FOXP4: variants seen among roughly 807,000 people sequenced by gnomAD.
FOXP4 encodes forkhead box protein P4.
In FOXP4, 25 loss-of-function variants were observed where a neutral mutation model predicts 82.6. The ratio of observed to expected loss-of-function variants is 0.30; its 90% CI spans 0.22 to 0.42. The LOEUF (loss-of-function observed/expected upper bound fraction) is 0.42. FOXP4 is among the 10% of genes least tolerant of loss of function. The pLI, the probability that FOXP4 is intolerant of heterozygous loss-of-function variation, is 1.00. For missense variants in FOXP4, 785 were observed against 900.9 expected (o/e 0.87, Z 1.65); for synonymous variants, 415 against 388.2 (o/e 1.07, Z -0.81).
chr6:41,566,172 T>G (rs1213943071), intron 2 of FOXP4, among the ~76,000 whole-genome samples: 3 of 152,100 alleles, frequency 2.0e-5, no homozygotes, highest in Non-Finnish European at 4.4e-5. Context: ...TTTCAAGAGA[T>G]AGAAGTGGGA....
chr6:41,549,616 C>T (rs1728934140), intron 1 of FOXP4, among the ~76,000 whole-genome samples: 1 of 151,900 alleles, frequency 6.6e-6, no homozygotes, highest in African/African-American at 2.4e-5. Context: ...TTTGCTGAGC[C>T]CCTACTCTGC....
rs1474041544 is a variant in FOXP4, at chr6:41,585,438, A to G, written c.431A>G (p.Glu144Gly). Residue 144 changes from glutamate to glycine, a missense_variant, in exon 5 of 17, where the codon GAG becomes GGG. Around this residue, in one of 3 missense-constraint regions of FOXP4, gnomAD observed 570 missense variants for 634.0 expected, o/e 0.90. Coordinates refer to ENST00000307972, the MANE Select transcript of FOXP4 (RefSeq NM_001012426.2). ...CCTCCTCCACCCCCCCAGCTACAGG[A>G]GTACTACAAGAAGCAGCAGGAGCAG... ...QQALMLQQLQEYYKKQQEQLH... is the reference protein window; with the variant it reads ...QQALMLQQLQGYYKKQQEQLH... The G allele has an allele frequency of 2.5e-6, 4 of 1,613,606 alleles. No individual in the cohort carries two copies. The highest frequency in any genetic ancestry group is 2.5e-6 in the Non-Finnish European group (3 of 1,179,852).
chr6:41,564,108 C>CG (rs2127346345), intron 1 of FOXP4, among the ~76,000 whole-genome samples: 1 of 152,282 alleles, frequency 6.6e-6, no homozygotes, highest in African/African-American at 2.4e-5. Flanking sequence ...GACTGTGACT[C>CG]GGGGGTAGTT....
intron 12 of FOXP4, 60 bp downstream of exon 12, chr6:41,590,407 C>T (rs1363620493): frequency 1.4e-5 from 21 of 1,548,822 alleles, no homozygotes; most frequent in African/African-American, 2.7e-5. Context: ...CCCCAGCCCC[C>T]GCCACACCCC....
intron 3 of FOXP4, among the ~76,000 whole-genome samples, chr6:41,581,588 G>A (rs892965785): frequency 7.9e-5 from 12 of 152,214 alleles, no homozygotes; most frequent in Admixed American, 3.9e-4. Context: ...AGGGGCCAGC[G>A]GGACACCAGA....
At chr6:41,560,451 C>G (rs181010458) in intron 1 of FOXP4, among the ~76,000 whole-genome samples, 3 of 152,362 alleles carry the variant, frequency 2.0e-5, no homozygotes, top group African/African-American at 7.2e-5. Flanking sequence ...GCCACCATTG[C>G]TCTGGGTACG....
At chr6:41,587,665 T>C in intron 7 of FOXP4, 128 bp from the exon 8 acceptor site, 1 of 907,652 alleles carries the variant, frequency 1.1e-6, no homozygotes, top group Non-Finnish European at 1.7e-6. Flanking sequence ...GTACAGATGG[T>C]GCTTGGCCGC....
intron 2 of FOXP4, among the ~76,000 whole-genome samples, chr6:41,567,329 A>T (rs558521943): frequency 1.3e-5 from 2 of 152,348 alleles, no homozygotes; most frequent in South Asian, 4.1e-4. Flanking sequence ...TTCTCTTGCC[A>T]GCAGTGGAGA....
intron 1 of FOXP4, among the ~76,000 whole-genome samples, chr6:41,557,756 G>T (rs1044917880): frequency 2.0e-5 from 3 of 152,190 alleles, no homozygotes; most frequent in African/African-American, 7.2e-5. Flanking sequence ...CTAGATCTCT[G>T]TAGGGTAGGA....
chr6:41,590,411 A>T, intron 12 of FOXP4, 64 bp downstream of exon 12: 2 of 1,547,100 alleles, frequency 1.3e-6, no homozygotes, highest in Non-Finnish European at 1.8e-6. Context: ...AGCCCCCGCC[A>T]CACCCCTGCC....
At chr6:41,548,218 T>C (rs2127296485) in intron 1 of FOXP4, among the ~76,000 whole-genome samples, 1 of 152,116 alleles carries the variant, frequency 6.6e-6, no homozygotes, top group South Asian at 2.1e-4. Context: ...GATCACCGCG[T>C]GTCTGGCACC....
intron 14 of FOXP4, among the ~76,000 whole-genome samples, chr6:41,595,319 C>T (rs1055904775): frequency 1.3e-5 from 2 of 151,994 alleles, no homozygotes; most frequent in Non-Finnish European, 2.9e-5. Context: ...AGATGCCAGC[C>T]AACGGGCCAT....
At chr6:41,594,546 C>T (rs944870882) in intron 13 of FOXP4, among the ~76,000 whole-genome samples, 8 of 152,126 alleles carry the variant, frequency 5.3e-5, no homozygotes, top group African/African-American at 1.9e-4. Flanking sequence ...CTTTGATTAA[C>T]GAAGATGATG....
chr6:41,555,228 GAC>G (rs1416119357), intron 1 of FOXP4, among the ~76,000 whole-genome samples: 1 of 151,938 alleles, frequency 6.6e-6, no homozygotes, highest in African/African-American at 2.4e-5. Flanking sequence ...CAGTCTGAGC[GAC>G]ACAGAGTGAG....
intron 13 of FOXP4, among the ~76,000 whole-genome samples, chr6:41,592,731 T>C (rs1245903591): frequency 6.6e-6 from 1 of 152,180 alleles, no homozygotes; most frequent in African/African-American, 2.4e-5. Flanking sequence ...TTACCTGTAA[T>C]GCCCTGCTGC....
intron 2 of FOXP4, among the ~76,000 whole-genome samples, chr6:41,568,879 T>C (rs1452569359): frequency 2.0e-5 from 3 of 152,224 alleles, no homozygotes; most frequent in Non-Finnish European, 2.9e-5. Context: ...CAAACAGTGC[T>C]GAAGAGGGTG....
At chr6:41,577,890 C>A in intron 2 of FOXP4, 96 bp from the exon 3 acceptor site, 1 of 852,540 alleles carries the variant, frequency 1.2e-6, no homozygotes, top group Non-Finnish European at 1.9e-6. Flanking sequence ...TTCCACCTTA[C>A]CCTGATCTCC....
intron 2 of FOXP4, among the ~76,000 whole-genome samples, chr6:41,566,764 C>A (rs182180376): frequency 6.6e-6 from 1 of 152,322 alleles, no homozygotes; most frequent in East Asian, 1.9e-4. Context: ...TGATTTGACT[C>A]TGCTCCTGGA....
At chr6:41,596,701 C>T (rs564267141) in intron 14 of FOXP4, among the ~76,000 whole-genome samples, 14 of 152,222 alleles carry the variant, frequency 9.2e-5, no homozygotes, top group East Asian at 3.9e-4. Flanking sequence ...GGCTTCCATA[C>T]AGAAGCCTCC....
Sources: allele counts gnomAD v4.1 joint callset (sites outside exome capture counted in the v4.1 genomes callset), GRCh38; gene constraint gnomAD v4.1.1; regional missense constraint gnomAD v4.1.1; transcripts MANE v1.5; gene names NCBI Gene and HGNC (gene_info 2026-07-23, HGNC 2026-07-21).